MS4A5: variants seen among roughly 807,000 people sequenced by gnomAD.
MS4A5 encodes membrane-spanning 4-domains subfamily A member 5.
Under a neutral mutation model 18.2 loss-of-function variants are expected in MS4A5, and 15 were observed. That is an observed-to-expected ratio of 0.83 (90% CI 0.55 to 1.27). MS4A5 has a LOEUF of 1.27. Ranked by LOEUF, MS4A5 falls within the 50% of genes most tolerant of loss-of-function variation. The probability of loss-of-function intolerance (pLI) is 0.00; values close to 1 mark genes in which losing one functional copy is unlikely to be tolerated. For missense variants in MS4A5, 232 were observed against 225.7 expected (o/e 1.03, Z -0.18); for synonymous variants, 89 against 78.7 (o/e 1.13, Z -0.69).
intron 4 of MS4A5, among the ~76,000 whole-genome samples, chr11:60,444,445 A>T (rs1158826947): frequency 2.0e-5 from 3 of 152,122 alleles, no homozygotes; most frequent in African/African-American, 7.2e-5. Flanking sequence ...AAAGGGACTA[A>T]ATATAGGGGA....
rs148573711 is a variant in MS4A5 at position 60,443,340 on chromosome 11, C to CA, written c.493-4299dup. On this transcript the variant is annotated intron_variant, in intron 4 of 4. Transcript: ENST00000300190. ...GAATTAAATGTCAATTTTAAAAAGG[C>CA]AAAAAAAAAATCCCCAAAACTGTTT... is the stretch of plus-strand genomic sequence containing the variant. Among the ~76,000 whole-genome samples the CA allele has an allele frequency of 4.3e-3, 616 of 144,706 alleles. 4 individuals are homozygous for CA. The highest frequency in any genetic ancestry group is 8.7e-3 in the South Asian group (40 of 4,600). The allele number at this position is 144,706 out of a possible 152,430, so 94.9% of individuals were successfully genotyped here. A position where few individuals can be genotyped will look rare whatever the true frequency, so the allele number is the denominator to read the frequency against.
chr11:60,431,008 A>C (rs2086045972), intron 2 of MS4A5, 84 bp downstream of exon 2: 2 of 1,481,948 alleles, frequency 1.3e-6, no homozygotes, highest in Non-Finnish European at 9.1e-7. Context: ...AGCTAGATCC[A>C]GTTGTATGAC....
At chr11:60,436,226 A>T (rs2086079878) in intron 4 of MS4A5, among the ~76,000 whole-genome samples, 2 of 151,078 alleles carry the variant, frequency 1.3e-5, no homozygotes, top group South Asian at 4.2e-4. Flanking sequence ...TCTCTGTTAG[A>T]AGGAAAACTA....
Position 60,439,999 on chromosome 11 carries a change from G to A in MS4A5, c.492+6082G>A, listed in dbSNP as rs548804327. Among the ~76,000 whole-genome samples the A allele has an allele frequency of 4.8e-4, 70 of 147,092 alleles. 2 individuals are homozygous for A. In the South Asian group the frequency reaches 0.015, roughly 31 times the overall value. ...CCGAAGCCAAAAGAACAAAACTGGA[G>A]GCATCACACTACCTGACTTCAAACT... On this transcript the variant is annotated intron_variant, in intron 4 of 4. Coordinates refer to ENST00000300190, the MANE Select transcript of MS4A5 (RefSeq NM_023945.3).
intron 4 of MS4A5, among the ~76,000 whole-genome samples, chr11:60,440,781 G>A (rs1267030359): frequency 8.6e-6 from 1 of 116,034 alleles, no homozygotes; most frequent in Non-Finnish European, 1.8e-5. Flanking sequence ...GAAACAACAG[G>A]TGCTGGAGAG....
intron 4 of MS4A5, 58 bp from the exon 5 acceptor site, chr11:60,447,591 A>T (rs2086148027): frequency 3.2e-6 from 3 of 924,564 alleles, no homozygotes; most frequent in African/African-American, 1.7e-5. Context: ...AATCAGGAAA[A>T]CCGTTACTGT....
intron 4 of MS4A5, among the ~76,000 whole-genome samples, chr11:60,435,689 G>A (rs1053212937): frequency 3.0e-4 from 46 of 152,260 alleles, no homozygotes; most frequent in Non-Finnish European, 2.9e-4. Flanking sequence ...CTAGAAAATC[G>A]GGTCACTCCC....
At chr11:60,437,677 G>A (rs2086088343) in intron 4 of MS4A5, among the ~76,000 whole-genome samples, 3 of 150,348 alleles carry the variant, frequency 2.0e-5, no homozygotes, top group Non-Finnish European at 4.4e-5. Context: ...AGACAAAGAA[G>A]GCCATTACAT....
In MS4A5 at chr11:60,432,395, T is replaced by C; in HGVS notation, c.283-16T>C. ...CTAAACATGGTCATCATTAACATAT[T>C]TATTCCTCTTAACAGTTCATTAATT... On this transcript the variant is annotated splice_polypyrimidine_tract_variant and intron_variant, in intron 2 of 4. Coordinates refer to ENST00000300190, the MANE Select transcript of MS4A5 (RefSeq NM_023945.3). 6.5e-7 allele frequency: 1 copy of C among 1,538,498 alleles called. No individual in the cohort carries two copies. Among genetic ancestry groups the C allele is most frequent in the South Asian group, 1.2e-5 (1 of 86,732 alleles).
At chr11:60,432,602 A>G (rs1027925651) in intron 3 of MS4A5, 135 bp downstream of exon 3, 2 of 465,982 alleles carry the variant, frequency 4.3e-6, no homozygotes, top group African/African-American at 4.1e-5. Context: ...CCTGGCCAAC[A>G]TGGTGAAACC....
At chr11:60,435,978 A>G (rs1222978632) in intron 4 of MS4A5, among the ~76,000 whole-genome samples, 2 of 152,212 alleles carry the variant, frequency 1.3e-5, no homozygotes, top group Non-Finnish European at 2.9e-5. Context: ...CTCTGGGGGC[A>G]GGGCACAGAC....
intron 4 of MS4A5, among the ~76,000 whole-genome samples, chr11:60,443,793 A>G (rs945543761): frequency 1.3e-5 from 2 of 152,152 alleles, no homozygotes; most frequent in African/African-American, 4.8e-5. Flanking sequence ...AAGGTGTATC[A>G]CTATCAATAC....
At chr11:60,441,673 A>G (rs1395107002) in intron 4 of MS4A5, among the ~76,000 whole-genome samples, 1 of 151,316 alleles carries the variant, frequency 6.6e-6, no homozygotes, top group Non-Finnish European at 1.5e-5. Context: ...CTCAGGGAAT[A>G]TAAAATAAAA....
rs774988464 is a variant in MS4A5, at chr11:60,429,837, A to T, written c.153+10A>T. On this transcript the variant is annotated intron_variant, in intron 1 of 4. Transcript: ENST00000300190. The stretch of plus-strand genomic sequence containing the variant: ...AATGAAAATCTTAGGGGTAAGTAAG[A>T]CTTGCCCCTATGTATATTTTACTGA... The T allele has an allele frequency of 1.9e-6, 3 of 1,611,148 alleles. No individual in the cohort carries two copies. The Admixed American group carries it at 5.0e-5, about 27-fold the overall frequency.
chr11:60,434,829 C>T (rs1427148505), intron 4 of MS4A5, among the ~76,000 whole-genome samples: 1 of 152,094 alleles, frequency 6.6e-6, no homozygotes, highest in East Asian at 1.9e-4. Flanking sequence ...ATCCCTGGCC[C>T]ATGTGGACTG....
At chr11:60,433,970 T>G in intron 4 of MS4A5, 53 bp downstream of exon 4, 2 of 1,476,610 alleles carry the variant, frequency 1.4e-6, no homozygotes, top group Non-Finnish European at 1.9e-6. Context: ...TAGAAAATAT[T>G]TATTAGCACT....
rs879588551 is a variant in MS4A5, at chr11:60,440,194, A to G, written c.492+6277A>G. On this transcript the variant is annotated intron_variant, in intron 4 of 4. Transcript: ENST00000300190. ...ATGGGGAAAGGATTCCCTATTTAAT[A>G]AATGGTGCTGGGAAAACTGGCTAGC... Among the ~76,000 whole-genome samples the G allele has an allele frequency of 5.0e-3, 453 of 90,880 alleles. 12 individuals carry two copies. Among genetic ancestry groups the G allele is most frequent in the Non-Finnish European group, 9.0e-3 (376 of 41,670 alleles). 59.6% of individuals were successfully genotyped at this position (90,880 alleles called of 152,430 possible).
At chr11:60,447,305 CTGTG>C (rs1274595513) in intron 4 of MS4A5, among the ~76,000 whole-genome samples, 10 of 141,652 alleles carry the variant, frequency 7.1e-5, no homozygotes, top group Non-Finnish European at 1.4e-4. Context: ...CTATCCTATG[CTGTG>C]CTATGCTATG....
At chr11:60,435,286 A>G (rs557200697) in intron 4 of MS4A5, 1 of 414,564 alleles carries the variant, frequency 2.4e-6, no homozygotes, top group South Asian at 1.8e-5. Flanking sequence ...AAAAAGAAAT[A>G]AGACAATGCG....
Sources: allele counts gnomAD v4.1 joint callset (sites outside exome capture counted in the v4.1 genomes callset), GRCh38; gene constraint gnomAD v4.1.1; transcripts MANE v1.5; gene names NCBI Gene and HGNC (gene_info 2026-07-23, HGNC 2026-07-21).